Variants in DAB1 observed in about 807,000 individuals in gnomAD.
The protein encoded by DAB1 is DAB adaptor protein 1.
Under a neutral mutation model 64.6 loss-of-function variants are expected in DAB1, and 15 were observed. That is an observed-to-expected ratio of 0.23 (90% CI 0.16 to 0.36). The LOEUF is 0.36. Ranked by LOEUF, DAB1 falls within the 10% of genes least tolerant of loss-of-function variation. The pLI, the probability that DAB1 is intolerant of heterozygous loss-of-function variation, is 1.00. For synonymous variants in DAB1, 235 were observed against 251.9 expected (o/e 0.93, Z 0.64); for missense variants, 596 against 706.7 (o/e 0.84, Z 1.78).
chr1:57,918,455 C>T (rs557140613), intron 5 of DAB1, among the ~76,000 whole-genome samples: 14 of 152,208 alleles, frequency 9.2e-5, no homozygotes, highest in African/African-American at 3.1e-4. Flanking sequence ...GGTGTCCTGC[C>T]TTTGTAACAA....
chr1:58,425,601 T>C lies in DAB1; in HGVS notation n.257+80459A>G, dbSNP rs554871687. On this transcript the variant is annotated intron_variant and non_coding_transcript_variant, in intron 3 of 20. Transcript: ENST00000485760. ...TATAGGATGAAATACAGGACAAGCATAGGATGAAAAGAGAAGGAGCCAGGG... is the reference window on the plus strand; with the variant it reads ...TATAGGATGAAATACAGGACAAGCACAGGATGAAAAGAGAAGGAGCCAGGG... 3.3e-5 allele frequency among the ~76,000 whole-genome samples: 5 copies of C among 152,062 alleles called. No homozygotes were observed. The South Asian group carries it at 8.3e-4, about 25-fold the overall frequency.
chr1:57,067,797 A>C (rs1651069164), intron 8 of DAB1, among the ~76,000 whole-genome samples: 1 of 152,182 alleles, frequency 6.6e-6, no homozygotes, highest in African/African-American at 2.4e-5. Flanking sequence ...CTTGTACTAA[A>C]ATACTGAATC....
At chr1:57,750,663 C>T (rs1246832896) in intron 6 of DAB1, among the ~76,000 whole-genome samples, 1 of 152,154 alleles carries the variant, frequency 6.6e-6, no homozygotes, top group Non-Finnish European at 1.5e-5. Context: ...CTGTGGGCTT[C>T]TCTTTCTTGA....
intron 5 of DAB1, among the ~76,000 whole-genome samples, chr1:58,029,446 C>T (rs558337041): frequency 8.5e-5 from 13 of 152,244 alleles, no homozygotes; most frequent in Admixed American, 7.2e-4. Context: ...TCCAGCAGTG[C>T]GGATATTGAC....
In DAB1 at chr1:58,243,332, G is replaced by GAA. The variant is rs61018521; in HGVS notation, n.310-92746_310-92745dup. ...CACCTATGACTCAGAGCTCATTTCA[G>GAA]AAAAAAAAATTGTTTTTATTTATTA... is the stretch of plus-strand genomic sequence containing the variant. On this transcript the variant is annotated intron_variant and non_coding_transcript_variant, in intron 4 of 20. Coordinates refer to the DAB1 transcript ENST00000485760. Among the ~76,000 whole-genome samples the GAA allele has an allele frequency of 7.6e-3, 1,156 of 151,250 alleles. 16 individuals are homozygous for GAA. Among genetic ancestry groups the GAA allele is most frequent in the African/African-American group, 0.026 (1,066 of 41,288 alleles).
chr1:57,867,382 A>T (rs1654352867), intron 1 of DAB1: 1 of 152,148 alleles, frequency 6.6e-6, no homozygotes, highest in African/African-American at 2.4e-5. Context: ...CAATCTGTCA[A>T]GAACTCACTT....
At chr1:57,655,953 C>T (rs1646313569) in intron 6 of DAB1, among the ~76,000 whole-genome samples, 1 of 152,128 alleles carries the variant, frequency 6.6e-6, no homozygotes, top group Non-Finnish European at 1.5e-5. Context: ...TTGTGACTCT[C>T]CACCCCTGCT....
At chr1:57,944,205 A>T (rs1046834388) in intron 5 of DAB1, among the ~76,000 whole-genome samples, 9 of 152,126 alleles carry the variant, frequency 5.9e-5, no homozygotes, top group Non-Finnish European at 1.0e-4. Flanking sequence ...TCTTTCTTCA[A>T]ACCAAGACTG....
At chr1:57,322,718 A>G (rs1290101642) in intron 1 of DAB1, among the ~76,000 whole-genome samples, 1 of 152,204 alleles carries the variant, frequency 6.6e-6, no homozygotes, top group East Asian at 1.9e-4. Context: ...AAATATAGAA[A>G]TGTTTAAGAA....
chr1:57,567,379 C>T (rs915660397), intron 7 of DAB1, among the ~76,000 whole-genome samples: 3 of 152,160 alleles, frequency 2.0e-5, no homozygotes, highest in Non-Finnish European at 2.9e-5. Context: ...GACAGGGATG[C>T]CCTCTCTCAC....
chr1:57,224,087 A>G (rs941029939), intron 2 of DAB1, among the ~76,000 whole-genome samples: 3 of 152,146 alleles, frequency 2.0e-5, no homozygotes, highest in African/African-American at 7.2e-5. Context: ...ATTATCCTCA[A>G]GTAGACTAAG....
chr1:57,637,023 T>C (rs779086990), intron 7 of DAB1, among the ~76,000 whole-genome samples: 1 of 152,202 alleles, frequency 6.6e-6, no homozygotes, highest in Non-Finnish European at 1.5e-5. Flanking sequence ...ATTGGGGTCT[T>C]TGCGTATTCT....
intron 3 of DAB1, among the ~76,000 whole-genome samples, chr1:58,486,078 T>C (rs1040327003): frequency 2.0e-5 from 3 of 152,202 alleles, no homozygotes; most frequent in Admixed American, 1.3e-4. Context: ...TTTCACTGCG[T>C]GAGGTATTTT....
intron 6 of DAB1, among the ~76,000 whole-genome samples, chr1:57,702,922 A>C (rs1376847390): frequency 6.6e-6 from 1 of 152,184 alleles, no homozygotes; most frequent in Non-Finnish European, 1.5e-5. Flanking sequence ...AAACCTGACA[A>C]AAATAAGCAA....
intron 6 of DAB1, among the ~76,000 whole-genome samples, chr1:57,711,069 T>A (rs1003930198): frequency 6.6e-6 from 1 of 152,232 alleles, no homozygotes; most frequent in Non-Finnish European, 1.5e-5. Flanking sequence ...AGAAGTTACA[T>A]GTCTTGTGAC....
intron 9 of DAB1, among the ~76,000 whole-genome samples, chr1:57,059,417 T>C (rs568817348): frequency 1.3e-5 from 2 of 152,204 alleles, no homozygotes; most frequent in East Asian, 1.9e-4. Flanking sequence ...TCTCTTCTTA[T>C]GGGAAATTTG....
intron 1 of DAB1, among the ~76,000 whole-genome samples, chr1:57,326,782 G>A (rs1292114273): frequency 6.6e-6 from 1 of 152,040 alleles, no homozygotes; most frequent in Non-Finnish European, 1.5e-5. Context: ...CATCATGAGA[G>A]TACCATCCTC....
chr1:58,340,692 G>C (rs1174676564), intron 4 of DAB1, among the ~76,000 whole-genome samples: 1 of 152,202 alleles, frequency 6.6e-6, no homozygotes, highest in Non-Finnish European at 1.5e-5. Context: ...TGGAAACACA[G>C]ACATCAGGCT....
At chr1:57,162,133 T>A (rs1256642999) in intron 2 of DAB1, among the ~76,000 whole-genome samples, 1 of 152,220 alleles carries the variant, frequency 6.6e-6, no homozygotes, top group Non-Finnish European at 1.5e-5. Context: ...CCTTGGAGCC[T>A]TTCACGCTTA....
Sources: gnomAD v4.1 joint callset for allele counts (sites outside exome capture counted in the v4.1 genomes callset) on GRCh38, gnomAD v4.1.1 for gene constraint, MANE v1.5 for transcripts, NCBI Gene and HGNC (gene_info 2026-07-23, HGNC 2026-07-21) for gene names.